ZNF726: variants seen among roughly 807,000 people sequenced by gnomAD.
ZNF726 encodes the protein zinc finger protein 726, also known as zinc finger protein 92 pseudogene 3.
In ZNF726, 15 loss-of-function variants were observed where a neutral mutation model predicts 11.6. The observed-to-expected ratio is 1.29, with a 90% CI of 0.86 to 1.99. The LOEUF (loss-of-function observed/expected upper bound fraction) is 1.99. ZNF726 is among the 30% of genes most tolerant of loss of function. The pLI is 0.00. For missense variants in ZNF726, 890 were observed against 725.6 expected, an observed-to-expected ratio of 1.23 and a Z score of -2.60; for synonymous variants, 295 against 243.6, an observed-to-expected ratio of 1.21 and a Z score of -1.96.
At chr19:23,925,324 T>C (rs1361933202) in intron 3 of ZNF726, among the ~76,000 whole-genome samples, 5 of 152,174 alleles carry the variant, frequency 3.3e-5, no homozygotes, top group African/African-American at 1.2e-4. Flanking sequence ...AAATAATTGG[T>C]ACATCTTTAT....
downstream of ZNF726, among the ~76,000 whole-genome samples, chr19:23,936,550 C>G (rs1968234553): frequency 6.6e-6 from 1 of 151,770 alleles, no homozygotes; most frequent in African/African-American, 2.4e-5. Flanking sequence ...ATTAGGTAGG[C>G]CTTTATGACT....
chr19:23,920,158 T>C, intron 3 of ZNF726, 76 bp downstream of exon 3: 2 of 1,073,318 alleles, frequency 1.9e-6, no homozygotes, highest in South Asian at 1.3e-5. Flanking sequence ...TTTAAAGTGA[T>C]TTGGAAAGCT....
At position 23,934,023 on chromosome 19, in the gene ZNF726, C is replaced by G; in HGVS notation, c.*56C>G. Reference sequence around the variant, plus strand: ...CAAAGCATTTATATGGTCCTCAACGCTAAACATAAGAGGATGCACACTGGA... The same window carrying G: ...CAAAGCATTTATATGGTCCTCAACGGTAAACATAAGAGGATGCACACTGGA... On this transcript the variant is annotated 3_prime_UTR_variant, in exon 4 of 4. Coordinates refer to ENST00000594466, the MANE Select transcript of ZNF726 (RefSeq NM_001244038.2). 1.3e-6 allele frequency: 2 copies of G among 1,561,638 alleles called. No homozygotes were observed. The highest frequency in any genetic ancestry group is 2.3e-5 in the East Asian group (1 of 43,910).
rs758435448 is a variant in ZNF726, at chr19:23,932,568, T to G, written c.452T>G (p.Leu151Trp). 2.5e-6 allele frequency: 4 copies of G among 1,575,652 alleles called. No individual in the cohort carries two copies. Among genetic ancestry groups the G allele is most frequent in the Non-Finnish European group, 3.4e-6 (4 of 1,162,916 alleles). The change falls in exon 4 of 4, where the codon TTG becomes TGG. Residue 151 changes from leucine (L) to tryptophan (W), a missense_variant. By Grantham distance (61) the Leu-to-Trp change is moderately conservative (BLOSUM62 -2). Coordinates refer to ENST00000594466, the MANE Select transcript of ZNF726 (RefSeq NM_001244038.2). ...QGKASQCGKY[L>W]KVFYKFINLN... ...AAAGCTTCTCAATGTGGTAAATATT[T>G]GAAAGTCTTTTATAAATTTATAAAT...
chr19:23,925,143 T>A (rs982835335), intron 3 of ZNF726, among the ~76,000 whole-genome samples: 2 of 152,224 alleles, frequency 1.3e-5, no homozygotes, highest in African/African-American at 2.4e-5. Flanking sequence ...GTTGGCATAA[T>A]ATTCTCAAAG....
chr19:23,935,486 TA>T, downstream of ZNF726: 1 of 472,210 alleles, frequency 2.1e-6, no homozygotes, highest in South Asian at 1.6e-5. Flanking sequence ...ATGGAAAGCC[TA>T]AAAAAGTCCT....
chr19:23,919,979 T>G lies in ZNF726; in HGVS notation c.131-8T>G, dbSNP rs764298645. ...CAAGATTCATGTTAATTATTTTTAATAAAACAGGTATTGCTGTCTCTAAGC... is the reference window on the plus strand; with the variant it reads ...CAAGATTCATGTTAATTATTTTTAAGAAAACAGGTATTGCTGTCTCTAAGC... On this transcript the variant is annotated splice_polypyrimidine_tract_variant and splice_region_variant and intron_variant, in intron 2 of 3. Transcript: ENST00000594466. 2 of 1,556,092 alleles carry G rather than the reference T, an allele frequency of 1.3e-6. No individual in the cohort carries two copies. Among genetic ancestry groups the G allele is most frequent in the Admixed American group, 3.5e-5 (2 of 57,370 alleles).
intron 3 of ZNF726, among the ~76,000 whole-genome samples, chr19:23,940,094 C>T (rs745496816): frequency 2.0e-5 from 3 of 151,872 alleles, no homozygotes; most frequent in Non-Finnish European, 4.4e-5. Flanking sequence ...TTTTGCCTAG[C>T]CAATGCCTAG....
At chr19:23,922,385 G>A (rs1387934111) in intron 3 of ZNF726, among the ~76,000 whole-genome samples, 1 of 152,178 alleles carries the variant, frequency 6.6e-6, no homozygotes, top group Non-Finnish European at 1.5e-5. Context: ...CTGAGTCATG[G>A]AACTGCTTCA....
At chr19:23,917,853 C>CTG (rs1967742793) in intron 1 of ZNF726, among the ~76,000 whole-genome samples, 1 of 88,972 alleles carries the variant, frequency 1.1e-5, no homozygotes, top group Admixed American at 9.6e-5. Context: ...AAATTAATAA[C>CTG]TAACATGGAA....
chr19:23,940,674 G>A (rs1968324711), intron 3 of ZNF726, among the ~76,000 whole-genome samples: 1 of 152,086 alleles, frequency 6.6e-6, no homozygotes, highest in South Asian at 2.1e-4. Flanking sequence ...TTTCAGCAGT[G>A]TTTTGTAGTT....
At chr19:23,942,499 T>C (rs1301399001) in intron 3 of ZNF726, among the ~76,000 whole-genome samples, 1 of 152,196 alleles carries the variant, frequency 6.6e-6, no homozygotes, top group Non-Finnish European at 1.5e-5. Flanking sequence ...TATAGTTAAA[T>C]CCATTGTTTC....
At chr19:23,944,303 A>G (rs953776887) in intron 4 of ZNF726, 1 of 152,184 alleles carries the variant, frequency 6.6e-6, no homozygotes, top group South Asian at 2.1e-4. Context: ...TATTGTGAGC[A>G]TGCAATAAAC....
chr19:23,937,068 C>T (rs567160504), downstream of ZNF726, among the ~76,000 whole-genome samples: 1,670 of 148,946 alleles, frequency 0.011, 31 homozygotes, highest in African/African-American at 0.038. Context: ...CCGAACGGGG[C>T]GGCTGGCCGG....
chr19:23,941,973 A>G lies in ZNF726; in HGVS notation c.227-1521A>G, dbSNP rs150613104. Among the ~76,000 whole-genome samples the G allele has an allele frequency of 1.9e-4, 29 of 151,492 alleles. No homozygotes were observed. The East Asian group carries it at 4.5e-3, about 23-fold the overall frequency. On this transcript the variant is annotated intron_variant, in intron 3 of 4. Coordinates refer to the ZNF726 transcript ENST00000334589. ...TTTTTTCTTTTAATTTCAATTAGTT[A>G]TGTTCTGATCATGGTTATTTCCTTT...
At chr19:23,935,328 T>C (rs1414856717), downstream of ZNF726, 7 of 524,534 alleles carry the variant, frequency 1.3e-5, no homozygotes, top group Admixed American at 8.0e-5. Flanking sequence ...GTTTTTCTGG[T>C]CCTCAGCCCT....
At chr19:23,939,570 C>T (rs1968303248) in intron 3 of ZNF726, among the ~76,000 whole-genome samples, 1 of 152,150 alleles carries the variant, frequency 6.6e-6, no homozygotes, top group Non-Finnish European at 1.5e-5. Flanking sequence ...AATGGTAGTT[C>T]TACTTTTAGT....
At position 23,933,671 on chromosome 19, in the gene ZNF726, A is replaced by T. The variant is rs1968170991; in HGVS notation, c.1555A>T (p.Ile519Leu). The stretch of plus-strand genomic sequence containing the variant: ...ATGTGAAGAATGTGGCAAAGCATTT[A>T]TATTGTCCTCGACCCTATCTAAACA... ...YKCEECGKAF[I>L]LSSTLSKHKR... The change falls in exon 4 of 4, where the codon ATA becomes TTA. Residue 519 changes from isoleucine to leucine, a missense_variant. Transcript: ENST00000594466. The T allele has an allele frequency of 6.2e-7, 1 of 1,612,544 alleles. No individual in the cohort carries two copies. Among genetic ancestry groups the T allele is most frequent in the Non-Finnish European group, 8.5e-7 (1 of 1,179,992 alleles).
rs1419883843 is a variant in ZNF726, at chr19:23,932,803, C to G, written c.687C>G (p.Tyr229Ter). Residue 229 changes from tyrosine to a stop codon, truncating the protein, a stop_gained, in exon 4 of 4, where the codon TAC becomes TAG. Transcript: ENST00000594466. LOFTEE classifies it low-confidence loss of function (END_TRUNC). ...AAACTCATACTGAAGAAAAGCCCTA[C>G]AAATGTGAAGAATATGGCAAAGCTT... ...HKKTHTEEKPYKCEEYGKAFN... is the reference protein window; with the variant it reads ...HKKTHTEEKP 2 of 1,610,672 alleles carry G rather than the reference C, an allele frequency of 1.2e-6. No homozygotes were observed. Among genetic ancestry groups the G allele is most frequent in the African/African-American group, 1.3e-5 (1 of 74,828 alleles).
Sources: allele counts gnomAD v4.1 joint callset (sites outside exome capture counted in the v4.1 genomes callset), GRCh38; gene constraint gnomAD v4.1.1; transcripts MANE v1.5; gene names NCBI Gene and HGNC (gene_info 2026-07-23, HGNC 2026-07-21).